Variants in GPHN observed in about 807,000 individuals in gnomAD.
GPHN encodes gephyrin.
GPHN carries 17 observed loss-of-function variants against 95.5 expected under a neutral mutation model. The ratio of observed to expected loss-of-function variants is 0.18; its 90% CI spans 0.12 to 0.27. The LOEUF (loss-of-function observed/expected upper bound fraction) is 0.27, where lower values mean the gene tolerates loss of function less well. GPHN is among the 10% of genes least tolerant of loss of function. GPHN has a pLI of 1.00. For synonymous variants in GPHN, 320 were observed against 322.5 expected, an observed-to-expected ratio of 0.99 and a Z score of 0.08; for missense variants, 660 against 978.1, an observed-to-expected ratio of 0.67 and a Z score of 4.34.
the GPHN span, chr14:67,589,913 A>T: frequency 7.7e-7 from 1 of 1,292,494 alleles, no homozygotes; most frequent in Non-Finnish European, 9.8e-7. Context: ...ACGGAAATAT[A>T]CTGAGTTAGA....
chr14:66,811,150 G>A (rs1371275520), intron 3 of GPHN, among the ~76,000 whole-genome samples: 1 of 152,138 alleles, frequency 6.6e-6, no homozygotes, highest in African/African-American at 2.4e-5. Context: ...AAGCAGGGAG[G>A]AGCAGAGTAG....
At chr14:67,041,836 A>T (rs2074722262) in intron 10 of GPHN, among the ~76,000 whole-genome samples, 1 of 152,170 alleles carries the variant, frequency 6.6e-6, no homozygotes, top group Non-Finnish European at 1.5e-5. Flanking sequence ...TCCCACTAAC[A>T]GTGTAAATGT....
the GPHN span, chr14:67,662,454 CA>C: frequency 6.2e-7 from 1 of 1,609,824 alleles, no homozygotes; most frequent in East Asian, 2.2e-5. Flanking sequence ...GTAGAAGAAA[CA>C]AAATTTGTTC....
chr14:66,946,493 C>T (rs186609675), intron 8 of GPHN, among the ~76,000 whole-genome samples: 6 of 152,250 alleles, frequency 3.9e-5, no homozygotes, highest in Admixed American at 2.6e-4. Context: ...GCAAACTCCA[C>T]CTCCGGGGTT....
At chr14:67,565,158 C>A in the GPHN span, among the ~76,000 whole-genome samples, 1 of 152,166 alleles carries the variant, frequency 6.6e-6, no homozygotes, top group African/African-American at 2.4e-5. Flanking sequence ...TGGTTTCTCC[C>A]TTTTACAGGT....
At chr14:66,528,192 G>C (rs1187853264) in intron 1 of GPHN, among the ~76,000 whole-genome samples, 1 of 152,132 alleles carries the variant, frequency 6.6e-6, no homozygotes, top group Admixed American at 6.5e-5. Context: ...CTCTTCTTTT[G>C]CATTGATCCC....
the GPHN span, chr14:67,590,232 G>C: frequency 7.5e-7 from 1 of 1,335,400 alleles, no homozygotes; most frequent in South Asian, 1.5e-5. Flanking sequence ...GTGCAGTGGT[G>C]CTGCATCCAC....
At chr14:67,154,972 T>A (rs2081499196) in intron 18 of GPHN, among the ~76,000 whole-genome samples, 1 of 152,086 alleles carries the variant, frequency 6.6e-6, no homozygotes, top group Non-Finnish European at 1.5e-5. Context: ...CTTCACCATA[T>A]TTTTCCTCAA....
Position 66,730,467 on chromosome 14 carries a change from G to A in GPHN, c.144-45997G>A, listed in dbSNP as rs867605608. Among the ~76,000 whole-genome samples, 4 of 152,098 alleles carry A rather than the reference G, an allele frequency of 2.6e-5. No individual in the cohort carries two copies. In the South Asian group the frequency reaches 8.3e-4, roughly 32 times the overall value. ...AATCCAGTATCTTTATTCCTTCTTG[G>A]TCAGAAATAAAAGTTCTCATATTTT... On this transcript the variant is annotated intron_variant, in intron 2 of 22. Transcript: ENST00000478722.
chr14:66,869,767 G>A (rs1406397703), intron 4 of GPHN, among the ~76,000 whole-genome samples: 2 of 152,158 alleles, frequency 1.3e-5, no homozygotes, highest in African/African-American at 2.4e-5. Flanking sequence ...TATGCTAAGT[G>A]ATTTATCATT....
chr14:67,172,757 C>T (rs1163872309), intron 21 of GPHN, among the ~76,000 whole-genome samples: 1 of 152,062 alleles, frequency 6.6e-6, no homozygotes, highest in African/African-American at 2.4e-5. Flanking sequence ...ATTTATTGCC[C>T]CCACCCCAGG....
At chr14:66,814,813 T>G (rs1383800508) in intron 3 of GPHN, among the ~76,000 whole-genome samples, 3 of 152,160 alleles carry the variant, frequency 2.0e-5, no homozygotes, top group Non-Finnish European at 4.4e-5. Flanking sequence ...ATGGCTCAGA[T>G]GGCTGAAATG....
chr14:67,088,334 T>A (rs1054753918), intron 11 of GPHN, among the ~76,000 whole-genome samples: 4 of 152,180 alleles, frequency 2.6e-5, no homozygotes, highest in African/African-American at 9.6e-5. Flanking sequence ...TTTCCTTTTC[T>A]ACTGATATAT....
chr14:67,164,407 A>G (rs1299110302), intron 19 of GPHN, among the ~76,000 whole-genome samples: 2 of 152,150 alleles, frequency 1.3e-5, no homozygotes, highest in Non-Finnish European at 1.5e-5. Flanking sequence ...AAAGGCTAAT[A>G]CAGAAGGAGC....
intron 10 of GPHN, among the ~76,000 whole-genome samples, chr14:67,053,825 C>T (rs745401495): frequency 9.2e-5 from 14 of 152,102 alleles, no homozygotes; most frequent in African/African-American, 2.7e-4. Context: ...AATCAATAAA[C>T]GAGATTTATC....
At chr14:67,225,960 T>TGCGC in the GPHN span, among the ~76,000 whole-genome samples, 18 of 119,756 alleles carry the variant, frequency 1.5e-4, no homozygotes, top group African/African-American at 4.0e-4. Flanking sequence ...TGTGTGTGTG[T>TGCGC]GTGCGCGCGC....
rs1426770977 is a variant in GPHN at position 67,122,387 on chromosome 14, T to C, written c.1748+10T>C. 2 of 1,611,674 alleles carry C rather than the reference T, an allele frequency of 1.2e-6. No homozygotes were observed. The highest frequency in any genetic ancestry group is 1.7e-6 in the Non-Finnish European group (2 of 1,177,990). On this transcript the variant is annotated intron_variant, in intron 17 of 22. Coordinates refer to ENST00000478722, the MANE Select transcript of GPHN (RefSeq NM_020806.5). ...GTATTGTAGGAGACAAGTAAGTATT[T>C]GATGTCATTCTGAAAAGTTTGTATT...
intron 3 of GPHN, among the ~76,000 whole-genome samples, chr14:66,808,875 G>T (rs1460387055): frequency 6.6e-6 from 1 of 152,198 alleles, no homozygotes; most frequent in East Asian, 1.9e-4. Flanking sequence ...CAACCAGAGT[G>T]TCAAGGAATT....
downstream of GPHN, among the ~76,000 whole-genome samples, chr14:67,184,020 T>C (rs2083355595): frequency 6.6e-6 from 1 of 151,802 alleles, no homozygotes. Context: ...AATTTTTTTA[T>C]ATTTTGCAGA....
Sources: allele counts gnomAD v4.1 joint callset (sites outside exome capture counted in the v4.1 genomes callset), GRCh38; gene constraint gnomAD v4.1.1; transcripts MANE v1.5; gene names NCBI Gene and HGNC (gene_info 2026-07-23, HGNC 2026-07-21).